Variants in PHGDH observed in about 807,000 individuals in gnomAD.
PHGDH encodes D-3-phosphoglycerate dehydrogenase.
PHGDH carries 50 observed loss-of-function variants against 52.6 expected under a neutral mutation model. That is an observed-to-expected ratio of 0.95 (90% confidence interval 0.76 to 1.20). The LOEUF is 1.20. PHGDH is among the 50% of genes most tolerant of loss of function. PHGDH has a pLI of 0.00. For missense variants in PHGDH, 630 were observed against 684.6 expected, an observed-to-expected ratio of 0.92 and a Z score of 0.89; for synonymous variants, 271 against 280.5, an observed-to-expected ratio of 0.97 and a Z score of 0.34.
chr1:119,737,305 AG>A (rs1651987120), intron 8 of PHGDH, 39 bp downstream of exon 8: 1 of 1,574,856 alleles, frequency 6.3e-7, no homozygotes, highest in East Asian at 2.2e-5. Flanking sequence ...CAGGAGTCAG[AG>A]GGAGGAGAGG....
intron 3 of PHGDH, chr1:119,725,061 G>T (rs587711499): frequency 5.7e-5 from 26 of 452,274 alleles, no homozygotes; most frequent in Non-Finnish European, 1.0e-4. Context: ...AGCAGATGGC[G>T]GGGGCTCCTG....
At chr1:119,719,358 T>G (rs1395975533) in intron 1 of PHGDH, among the ~76,000 whole-genome samples, 1 of 152,214 alleles carries the variant, frequency 6.6e-6, no homozygotes, top group Non-Finnish European at 1.5e-5. Flanking sequence ...GGCTTAACTT[T>G]GTTGGGCTTC....
chr1:119,723,569 G>A (rs587653625), intron 3 of PHGDH, 128 bp downstream of exon 3: 10 of 753,684 alleles, frequency 1.3e-5, no homozygotes, highest in East Asian at 1.3e-4. Flanking sequence ...CTAAGAAGGC[G>A]ACATGCAGAC....
rs749134845 is a variant in PHGDH at position 119,737,195 on chromosome 1, C to T, written c.874C>T (p.Gln292Ter). ...CCTGGGTGCCAGCACCAAGGAGGCT[C>T]AGAGCCGCTGTGGGGAGGAAATTGC... ...PHLGASTKEAQSRCGEEIAVQ... is the reference protein window; with the variant it reads ...PHLGASTKEA Residue 292 changes from glutamine (Q) to a stop codon, truncating the protein, a stop_gained, in exon 8 of 12, where the codon CAG (glutamine) becomes TAG (stop). Transcript: ENST00000641023. LOFTEE classifies it high-confidence loss of function. 6.2e-6 allele frequency: 10 copies of T among 1,614,132 alleles called. No homozygotes were observed. The highest frequency in any genetic ancestry group is 3.3e-5 in the Admixed American group (2 of 60,032).
intron 3 of PHGDH, 151 bp downstream of exon 3, chr1:119,723,592 T>C: frequency 1.4e-6 from 1 of 707,400 alleles, no homozygotes; most frequent in Non-Finnish European, 2.6e-6. Context: ...CAAAGAACCT[T>C]TAAGGCCATC....
intron 1 of PHGDH, among the ~76,000 whole-genome samples, chr1:119,719,291 G>A (rs190913102): frequency 2.6e-5 from 4 of 152,218 alleles, no homozygotes; most frequent in African/African-American, 7.2e-5. Context: ...CGTACATAGC[G>A]GGCATCCGAT....
chr1:119,722,970 C>T lies in PHGDH; in HGVS notation c.291-406C>T, dbSNP rs587705449. 1.3e-4 allele frequency among the ~76,000 whole-genome samples: 20 copies of T among 150,998 alleles called. No individual in the cohort carries two copies. The South Asian group carries it at 3.4e-3, about 25-fold the overall frequency. ...TAGGCATTGGACTGAGCCCTGAATT[C>T]GAGAGACTCTGACCTTGGTAAGATC... On this transcript the variant is annotated intron_variant, in intron 2 of 11. Transcript: ENST00000641023.
Position 119,721,211 on chromosome 1 carries a change from C to T in PHGDH, c.180C>T (p.Thr60=), listed in dbSNP as rs769991971. 23 of 1,613,988 alleles carry T rather than the reference C, an allele frequency of 1.4e-5. No homozygotes were observed. The highest frequency in any genetic ancestry group is 3.3e-5 in the Admixed American group (2 of 59,990). ...GLIVRSATKV[T]ADVINAAEKL... ...TTGTTCGCTCTGCCACCAAGGTGAC[C>T]GCTGATGTCATCAACGCAGCTGAGA... The change falls in exon 2 of 12, where the codon ACC becomes ACT. Residue 60 remains threonine (T), a synonymous_variant. Coordinates refer to ENST00000641023, the MANE Select transcript of PHGDH (RefSeq NM_006623.4).
chr1:119,726,458 A>C (rs895680596), intron 3 of PHGDH, among the ~76,000 whole-genome samples: 2 of 152,110 alleles, frequency 1.3e-5, no homozygotes, highest in Non-Finnish European at 2.9e-5. Flanking sequence ...AGGTAGATCA[A>C]AATAATTCCT....
chr1:119,741,834 T>G lies in PHGDH; in HGVS notation c.1146T>G (p.Ala382=). 6.2e-7 allele frequency: 1 copy of G among 1,613,504 alleles called. No individual in the cohort carries two copies. The highest frequency in any genetic ancestry group is 8.5e-7 in the Non-Finnish European group (1 of 1,179,452). ...TCATTGTCGGCCTCCTGAAAGAGGC[T>G]TCCAAGCAGGCGGATGTGAACTTGG... The part of the protein sequence containing the change: ...PAVIVGLLKE[A]SKQADVNLVN... The change falls in exon 10 of 12, where the codon GCT becomes GCG. Residue 382 remains alanine (A), a synonymous_variant. Coordinates refer to ENST00000641023, the MANE Select transcript of PHGDH (RefSeq NM_006623.4).
At chr1:119,735,266 C>T (rs1430909964) in intron 6 of PHGDH, 29 bp from the exon 7 acceptor site, 2 of 1,613,992 alleles carry the variant, frequency 1.2e-6, no homozygotes, top group East Asian at 2.2e-5. Context: ...GGTGCTGCCC[C>T]AGCAGGAAGA....
intron 1 of PHGDH, among the ~76,000 whole-genome samples, chr1:119,715,489 CT>C (rs1057300587): frequency 2.0e-5 from 3 of 152,214 alleles, no homozygotes; most frequent in Admixed American, 6.5e-5. Context: ...GTAGACCTGC[CT>C]TCCCTATAGC....
Position 119,740,378 on chromosome 1 carries a change from C to T in PHGDH, c.946-8C>T. Reference sequence around the variant, plus strand: ...CTGACCACAGCCCCGCTCCTCCATCCTCTGCAGGTGAATGCCCAGGCCCTT... The same window carrying T: ...CTGACCACAGCCCCGCTCCTCCATCTTCTGCAGGTGAATGCCCAGGCCCTT... On this transcript the variant is annotated splice_region_variant and splice_polypyrimidine_tract_variant and intron_variant, in intron 8 of 11. Coordinates refer to ENST00000641023, the MANE Select transcript of PHGDH (RefSeq NM_006623.4). The T allele has an allele frequency of 6.2e-7, 1 of 1,614,164 alleles. No individual in the cohort carries two copies. Among genetic ancestry groups the T allele is most frequent in the Non-Finnish European group, 8.5e-7 (1 of 1,180,000 alleles).
chr1:119,726,511 C>T (rs1032722047), intron 3 of PHGDH: 47 of 435,454 alleles, frequency 1.1e-4, no homozygotes, highest in Admixed American at 1.7e-4. Context: ...TGCCCAGTAC[C>T]CCACTCAGTT....
At chr1:119,727,201 G>C (rs1651470316) in intron 5 of PHGDH, 99 bp downstream of exon 5, 2 of 772,712 alleles carry the variant, frequency 2.6e-6, no homozygotes, top group Non-Finnish European at 2.3e-6. Flanking sequence ...TTCTAGGAGG[G>C]TCTGACCCTC....
intron 9 of PHGDH, 37 bp downstream of exon 9, chr1:119,740,555 G>A (rs771345076): frequency 4.6e-6 from 7 of 1,522,218 alleles, no homozygotes; most frequent in Non-Finnish European, 5.4e-6. Flanking sequence ...GGGGAGGAGG[G>A]GATGAGGGAG....
chr1:119,744,068 G>A lies in PHGDH; in HGVS notation c.*28G>A, dbSNP rs753765228. On this transcript the variant is annotated 3_prime_UTR_variant, in exon 12 of 12. Transcript: ENST00000641023. ...TTGGAGCTCACTGGTCCCTGCCTCT[G>A]GGGCTTTTCTGAAGAAACCCACCCA... 2.5e-5 allele frequency: 40 copies of A among 1,611,782 alleles called. No individual in the cohort carries two copies. Among genetic ancestry groups the A allele is most frequent in the Admixed American group, 2.3e-4 (14 of 60,006 alleles).
At chr1:119,720,444 C>G (rs945474795) in intron 1 of PHGDH, 1 of 152,340 alleles carries the variant, frequency 6.6e-6, no homozygotes, top group Non-Finnish European at 1.5e-5. Flanking sequence ...TGAGTGCCTT[C>G]CCTGTATCAG....
At chr1:119,743,601 A>G (rs769868990) in intron 11 of PHGDH, among the ~76,000 whole-genome samples, 1 of 152,214 alleles carries the variant, frequency 6.6e-6, no homozygotes, top group South Asian at 2.1e-4. Flanking sequence ...TGGCTGCCCA[A>G]GGGAACTTCC....
Sources: allele counts gnomAD v4.1 joint callset (sites outside exome capture counted in the v4.1 genomes callset), GRCh38; gene constraint gnomAD v4.1.1; transcripts MANE v1.5; gene names NCBI Gene and HGNC (gene_info 2026-07-23, HGNC 2026-07-21).